Variants in MTSS1 observed in about 807,000 individuals in gnomAD.
MTSS1 encodes protein MTSS 1.
MTSS1 carries 18 observed loss-of-function variants against 79.0 expected under a neutral mutation model. The observed-to-expected ratio is 0.23, with a 90% CI of 0.16 to 0.34. The LOEUF (loss-of-function observed/expected upper bound fraction) is 0.34. Ranked by LOEUF, MTSS1 falls within the 10% of genes least tolerant of loss-of-function variation. The probability of loss-of-function intolerance (pLI) is 1.00; values close to 1 mark genes in which losing one functional copy is unlikely to be tolerated. For missense variants in MTSS1, 815 were observed against 986.2 expected, an observed-to-expected ratio of 0.83 and a Z score of 2.33; for synonymous variants, 341 against 368.6, an observed-to-expected ratio of 0.93 and a Z score of 0.86.
chr8:124,728,279 G>A lies in MTSS1; in HGVS notation c.-324C>T, dbSNP rs938074981. 3.0e-5 allele frequency: 7 copies of A among 233,226 alleles called. No homozygotes were observed. Among genetic ancestry groups the A allele is most frequent in the African/African-American group, 1.6e-4 (7 of 44,420 alleles). The allele number at this position is 233,226 out of a possible 1,614,324, so 14.4% of individuals were successfully genotyped here. A position where few individuals can be genotyped will look rare whatever the true frequency, so the allele number is the denominator to read the frequency against. ...AAACGGCAAAGCCCATCTTGATGCA[G>A]AGAAAATCGCCCGCTGACCCGGGGC... On this transcript the variant is annotated 5_prime_UTR_variant, in exon 1 of 14. Coordinates refer to ENST00000518547, the MANE Select transcript of MTSS1 (RefSeq NM_014751.6). This position sits in a 1 kb window ranked among gnomAD's most constrained non-coding sequence, Gnocchi z 6.1.
At chr8:124,688,268 T>C (rs1357293810) in intron 3 of MTSS1, among the ~76,000 whole-genome samples, 1 of 151,984 alleles carries the variant, frequency 6.6e-6, no homozygotes, top group African/African-American at 2.4e-5. Flanking sequence ...TGCATGTGTA[T>C]GTGTGTGTAT....
intron 3 of MTSS1, among the ~76,000 whole-genome samples, chr8:124,593,567 C>T (rs1832231463): frequency 2.0e-5 from 3 of 152,180 alleles, no homozygotes; most frequent in African/African-American, 7.2e-5. Context: ...TGGAATTGCA[C>T]GTGGTAATTT....
intron 3 of MTSS1, among the ~76,000 whole-genome samples, chr8:124,693,480 A>G (rs1030317554): frequency 1.3e-5 from 2 of 152,232 alleles, no homozygotes; most frequent in South Asian, 4.1e-4. Flanking sequence ...TCTGGAGACC[A>G]TGGCATTTAC....
intron 3 of MTSS1, among the ~76,000 whole-genome samples, chr8:124,657,653 A>G (rs552727015): frequency 1.3e-5 from 2 of 152,322 alleles, no homozygotes; most frequent in Admixed American, 1.3e-4. Context: ...CATCATGGAC[A>G]AGAGCACGTT....
chr8:124,628,493 G>A (rs1354213822), intron 3 of MTSS1, among the ~76,000 whole-genome samples: 2 of 152,148 alleles, frequency 1.3e-5, no homozygotes, highest in African/African-American at 2.4e-5. Context: ...TGCTCCCCAC[G>A]GCTCAGCTGT....
At chr8:124,689,192 T>C (rs1238633276) in intron 3 of MTSS1, among the ~76,000 whole-genome samples, 1 of 152,184 alleles carries the variant, frequency 6.6e-6, no homozygotes, top group Non-Finnish European at 1.5e-5. Flanking sequence ...CAGGTTAAAG[T>C]GAAAATTTTA....
chr8:124,709,555 AT>A (rs1396231434), intron 1 of MTSS1, among the ~76,000 whole-genome samples: 1 of 152,210 alleles, frequency 6.6e-6, no homozygotes, highest in African/African-American at 2.4e-5. Context: ...AGCCCCCTGA[AT>A]TTCTTCAGAG....
chr8:124,636,031 C>A (rs1816915053), intron 3 of MTSS1, among the ~76,000 whole-genome samples: 4 of 151,950 alleles, frequency 2.6e-5, no homozygotes, highest in Admixed American at 2.6e-4. Flanking sequence ...GTGGAGGGTG[C>A]AGGGTGCATT....
chr8:124,719,520 T>C lies in MTSS1; in HGVS notation c.72+8364A>G, dbSNP rs796278557. Among the ~76,000 whole-genome samples the C allele has an allele frequency of 2.6e-4, 40 of 152,252 alleles. 1 individual carries two copies. The highest frequency in any genetic ancestry group is 8.9e-4 in the African/African-American group (37 of 41,524). ...TGAACTCTAATTACCTGCCTGCCTG[T>C]CTCCTAGACTGAGCACTTCAGGGCA... On this transcript the variant is annotated intron_variant, in intron 1 of 13. Coordinates refer to ENST00000518547, the MANE Select transcript of MTSS1 (RefSeq NM_014751.6).
At chr8:124,634,292 G>A (rs918423335) in intron 3 of MTSS1, among the ~76,000 whole-genome samples, 3 of 147,648 alleles carry the variant, frequency 2.0e-5, no homozygotes, top group Non-Finnish European at 4.5e-5. Flanking sequence ...TTTTGTTGTT[G>A]TTGTTGTTTT....
chr8:124,611,053 T>C (rs1835702058), intron 3 of MTSS1, among the ~76,000 whole-genome samples: 1 of 150,300 alleles, frequency 6.7e-6, no homozygotes, highest in South Asian at 2.1e-4. Context: ...ATCCACATGC[T>C]GTAGAAACAG....
intron 3 of MTSS1, among the ~76,000 whole-genome samples, chr8:124,600,886 G>C (rs556112365): frequency 3.3e-5 from 5 of 152,060 alleles, no homozygotes; most frequent in Non-Finnish European, 7.4e-5. Flanking sequence ...TAATTGTTAC[G>C]CATCCACAAC....
intron 3 of MTSS1, among the ~76,000 whole-genome samples, chr8:124,608,401 C>T (rs1835213263): frequency 6.6e-6 from 1 of 152,236 alleles, no homozygotes; most frequent in Non-Finnish European, 1.5e-5. Flanking sequence ...GCACTGGAGC[C>T]AGGGTAACAT....
intron 3 of MTSS1, among the ~76,000 whole-genome samples, chr8:124,593,796 T>C (rs1211025135): frequency 6.6e-6 from 1 of 152,236 alleles, no homozygotes; most frequent in South Asian, 2.1e-4. Context: ...AACCTAGGCT[T>C]AAGCTCCAGC....
At chr8:124,616,475 C>T (rs1451154092) in intron 3 of MTSS1, among the ~76,000 whole-genome samples, 1 of 152,026 alleles carries the variant, frequency 6.6e-6, no homozygotes, top group Non-Finnish European at 1.5e-5. Context: ...ATTATGTGAC[C>T]CAACCCCCAT....
chr8:124,717,438 GCGAGCCAAGA>G (rs1564051067), intron 1 of MTSS1, among the ~76,000 whole-genome samples: 21 of 151,454 alleles, frequency 1.4e-4, no homozygotes, highest in African/African-American at 4.7e-4. Flanking sequence ...AGAGGTGGCA[GCGAGCCAAGA>G]TTGCACCACT....
At chr8:124,606,180 T>G (rs920787378) in intron 3 of MTSS1, among the ~76,000 whole-genome samples, 12 of 148,948 alleles carry the variant, frequency 8.1e-5, no homozygotes, top group Non-Finnish European at 6.0e-5. Context: ...TGTTTTTTTT[T>G]TTTTTTTTTG....
chr8:124,636,151 A>G (rs1816946298), intron 3 of MTSS1, among the ~76,000 whole-genome samples: 1 of 152,082 alleles, frequency 6.6e-6, no homozygotes, highest in Non-Finnish European at 1.5e-5. Flanking sequence ...CTTCTTTGAG[A>G]TGGAGTCTCC....
intron 3 of MTSS1, among the ~76,000 whole-genome samples, chr8:124,610,766 T>C (rs1051149064): frequency 2.0e-5 from 3 of 152,082 alleles, no homozygotes; most frequent in African/African-American, 7.2e-5. Context: ...GAGGGAGTAA[T>C]TACCTGAAGA....
Sources: gnomAD v4.1 joint callset for allele counts (sites outside exome capture counted in the v4.1 genomes callset) on GRCh38, gnomAD v4.1.1 for gene constraint, Gnocchi (gnomAD v3.1) non-coding constraint, MANE v1.5 for transcripts, NCBI Gene and HGNC (gene_info 2026-07-23, HGNC 2026-07-21) for gene names.